The following POLL variants were observed in gnomAD, a reference collection of about 807,000 sequenced individuals.
POLL encodes the protein DNA polymerase lambda.
In POLL, 44 loss-of-function variants were observed where a neutral mutation model predicts 58.1. The observed-to-expected ratio is 0.76, with a 90% CI of 0.60 to 0.97. The LOEUF is 0.97. POLL is among the 50% of genes least tolerant of loss of function. The pLI is 0.00. For synonymous variants in POLL, 290 were observed against 283.2 expected (o/e 1.02, Z -0.24); for missense variants, 632 against 736.8 (o/e 0.86, Z 1.65).
Position 101,580,089 on chromosome 10 carries a change from G to C in POLL, c.1363+159C>G. The C allele has an allele frequency of 1.4e-6, 1 of 728,144 alleles. No individual in the cohort carries two copies. The highest frequency in any genetic ancestry group is 2.2e-6 in the Non-Finnish European group (1 of 451,082). The allele number at this position is 728,144 out of a possible 1,614,324, so 45.1% of individuals were successfully genotyped here. ...GGCGGGGCTGTTCCATCTCTCCCTG[G>C]AGAGGATTCCGGCCCCGATAGAGAG... On this transcript the variant is annotated intron_variant, in intron 8 of 8. Transcript: ENST00000370162. This position sits in a 1 kb window ranked among gnomAD's most constrained non-coding sequence, Gnocchi z 4.1.
At chr10:101,584,350 T>C in intron 5 of POLL, among the ~76,000 whole-genome samples, 1 of 151,980 alleles carries the variant, frequency 6.6e-6, no homozygotes, top group East Asian at 1.9e-4. Context: ...ATAAACAAAA[T>C]TAAAAATAAA....
At chr10:101,585,256 C>T (rs1564873432) in intron 4 of POLL, 60 bp downstream of exon 4, 2 of 1,429,022 alleles carry the variant, frequency 1.4e-6, no homozygotes, top group Non-Finnish European at 9.4e-7. Flanking sequence ...CCAGGCCCAC[C>T]CCATTTCTGT....
intron 7 of POLL, chr10:101,581,499 A>C (rs1222609134): frequency 6.6e-6 from 1 of 152,202 alleles, no homozygotes; most frequent in Non-Finnish European, 1.5e-5. Context: ...CCTGGAATGG[A>C]GCTGGGGGCT....
chr10:101,585,279 AG>A, intron 4 of POLL, 36 bp downstream of exon 4: 1 of 1,484,828 alleles, frequency 6.7e-7, no homozygotes, highest in Non-Finnish European at 9.0e-7. Flanking sequence ...TCTGCTTCCT[AG>A]GGGAAGGGAG....
At position 101,583,585 on chromosome 10, in the gene POLL, C is replaced by G. The variant is rs1311472464; in HGVS notation, c.988G>C (p.Glu330Gln). The G allele has an allele frequency of 1.2e-6, 2 of 1,614,148 alleles. No homozygotes were observed. The highest frequency in any genetic ancestry group is 8.5e-7 in the Non-Finnish European group (1 of 1,180,042). Reference protein sequence around the residue: ...GHLRKLDHISESVPVLELFSN... With the variant: ...GHLRKLDHISQSVPVLELFSN... ...AAGAGCTCCAAGACAGGCACGCTCT[C>G]ACTGATATGGTCCAGCTTCCGCAAA... The change falls in exon 6 of 9, where the codon GAG (glutamate) becomes CAG (glutamine). Residue 330 changes from glutamate to glutamine, a missense_variant. Transcript: ENST00000370162.
At chr10:101,587,602 G>A (rs1381201438) in intron 1 of POLL, 196 bp from the exon 2 acceptor site, 2 of 1,102,300 alleles carry the variant, frequency 1.8e-6, no homozygotes, top group Non-Finnish European at 2.4e-6. Flanking sequence ...GGAGTATTAC[G>A]GGAAATGAGG....
Position 101,585,424 on chromosome 10 carries a change from AG to A in POLL, c.464del (p.Pro155LeufsTer160), listed in dbSNP as rs763129201. On this transcript the variant is annotated frameshift_variant, in exon 4 of 9. Transcript: ENST00000370162. LOFTEE classifies it high-confidence loss of function. The stretch of plus-strand genomic sequence containing the variant: ...TCTGAAGCAGGGCCTCATGGGTGCC[AG>A]GAGGAATAGAAGCATCCTGCTCTGC... ...SKAEQDASIPPGTHEALLQTA... is the reference protein window; with the variant it reads ...SKAEQDASIPXGTHEALLQTA... 1 of 1,605,890 alleles carries A rather than the reference AG, an allele frequency of 6.2e-7. No homozygotes were observed. Among genetic ancestry groups the A allele is most frequent in the Non-Finnish European group, 8.5e-7 (1 of 1,176,164 alleles).
chr10:101,584,363 A>C (rs759291107), intron 5 of POLL, among the ~76,000 whole-genome samples: 1 of 152,138 alleles, frequency 6.6e-6, no homozygotes, highest in Non-Finnish European at 1.5e-5. Context: ...AAAATAAAAA[A>C]CTTTTAATTA....
chr10:101,582,691 G>T (rs2063066945), intron 7 of POLL, 72 bp downstream of exon 7: 2 of 1,514,244 alleles, frequency 1.3e-6, no homozygotes, highest in Non-Finnish European at 1.8e-6. Context: ...GAGGAGTTGG[G>T]GGTTCTTGGC....
chr10:101,585,612 G>T, intron 3 of POLL, 134 bp from the exon 4 acceptor site: 2 of 855,272 alleles, frequency 2.3e-6, no homozygotes, highest in Non-Finnish European at 1.7e-6. Context: ...GGTTTTTGGA[G>T]TTTCTCTTGA....
chr10:101,587,923 C>T lies in POLL; in HGVS notation c.-148G>A. 8.2e-7 allele frequency: 1 copy of T among 1,223,050 alleles called. No homozygotes were observed. The highest frequency in any genetic ancestry group is 1.0e-6 in the Non-Finnish European group (1 of 956,826). 75.8% of individuals were successfully genotyped at this position (1,223,050 alleles called of 1,614,324 possible). On this transcript the variant is annotated 5_prime_UTR_variant, in exon 1 of 9. Transcript: ENST00000370162. ...AGCCTCTCGACATGGGGGTGCTCAG[C>T]GCCGCAGCTGCGGGGAGATGGGGCA... is the stretch of plus-strand genomic sequence containing the variant.
At chr10:101,581,103 G>A (rs1589665039) in intron 7 of POLL, 1 of 152,268 alleles carries the variant, frequency 6.6e-6, no homozygotes, top group Non-Finnish European at 1.5e-5. Flanking sequence ...CTCCACCCCT[G>A]AGACACTGAG....
At chr10:101,585,680 G>A (rs2063287046) in intron 3 of POLL, among the ~76,000 whole-genome samples, 182 bp downstream of exon 3, 1 of 152,076 alleles carries the variant, frequency 6.6e-6, no homozygotes. Flanking sequence ...AAGGCTCACT[G>A]CAGCCTTAAC....
Position 101,584,931 on chromosome 10 carries a change from G to A in POLL, c.574-12C>T. 1 of 1,373,408 alleles carries A rather than the reference G, an allele frequency of 7.3e-7. No individual in the cohort carries two copies. Among genetic ancestry groups the A allele is most frequent in the East Asian group, 2.6e-5 (1 of 38,132 alleles). The allele number at this position is 1,373,408 out of a possible 1,614,324, so 85.1% of individuals were successfully genotyped here. On this transcript the variant is annotated splice_polypyrimidine_tract_variant and intron_variant, in intron 4 of 8. Transcript: ENST00000370162. ...TCATCAGAGATGGGCTTGGGATAGA[G>A]AAGAAAAGAAAACAATAAATTCTTG...
At position 101,580,445 on chromosome 10, in the gene POLL, G is replaced by C; in HGVS notation, c.1195-29C>G. 6 of 1,605,816 alleles carry C rather than the reference G, an allele frequency of 3.7e-6. No individual in the cohort carries two copies. Among genetic ancestry groups the C allele is most frequent in the Non-Finnish European group, 5.1e-6 (6 of 1,174,848 alleles). On this transcript the variant is annotated intron_variant, in intron 7 of 8. Coordinates refer to ENST00000370162, the MANE Select transcript of POLL (RefSeq NM_001174084.2). The surrounding 1 kb of genome is among the most constrained non-coding windows in gnomAD (Gnocchi z 4.1). Reference sequence around the variant, plus strand: ...GGAAAGAGAGCGGTGACAGGTGAGGGGCTGTGCGTGGGGAGCTCCTCTCCC... The same window carrying C: ...GGAAAGAGAGCGGTGACAGGTGAGGCGCTGTGCGTGGGGAGCTCCTCTCCC...
At position 101,580,279 on chromosome 10, in the gene POLL, G is replaced by A. The variant is rs755074521; in HGVS notation, c.1332C>T (p.Phe444=). The change falls in exon 8 of 9, where the codon TTC becomes TTT. Residue 444 remains phenylalanine, a synonymous_variant. Transcript: ENST00000370162. This position sits in a 1 kb window ranked among gnomAD's most constrained non-coding sequence, Gnocchi z 4.1. ...HPDGRSHRGI[F]SRLLDSLRQE... is the part of the protein sequence containing the mutation. Reference sequence around the variant, plus strand: ...GCCGAAGACTGTCAAGGAGGCGGCTGAAGATACCCCGGTGGGACCGGCCAT... The same window carrying A: ...GCCGAAGACTGTCAAGGAGGCGGCTAAAGATACCCCGGTGGGACCGGCCAT... 1.2e-6 allele frequency: 2 copies of A among 1,613,988 alleles called. No individual in the cohort carries two copies. Among genetic ancestry groups the A allele is most frequent in the Non-Finnish European group, 1.7e-6 (2 of 1,180,002 alleles).
At chr10:101,585,538 G>A in intron 3 of POLL, 60 bp from the exon 4 acceptor site, 1 of 1,382,882 alleles carries the variant, frequency 7.2e-7, no homozygotes, top group Non-Finnish European at 9.7e-7. Context: ...TCTGTCCCCA[G>A]TCCTTCTGTA....
At chr10:101,585,575 G>C in intron 3 of POLL, 97 bp from the exon 4 acceptor site, 1 of 1,156,792 alleles carries the variant, frequency 8.6e-7, no homozygotes, top group Non-Finnish European at 1.2e-6. Context: ...TTCCCAGTGT[G>C]TCCAATTAAG....
rs370590358 is a variant in POLL at position 101,582,859 on chromosome 10, C to G, written c.1098G>C (p.Gln366His). The G allele has an allele frequency of 1.9e-6, 3 of 1,614,102 alleles. No individual in the cohort carries two copies. The highest frequency in any genetic ancestry group is 2.7e-5 in the African/African-American group (2 of 74,944). ...TGGCCTGCTGGGTTGTCAGGGAGGC[C>G]TGGCTGCGGATGTCTTCCAGACTTC... Reference protein sequence around the residue: ...GFRSLEDIRSQASLTTQQAIG... With the variant: ...GFRSLEDIRSHASLTTQQAIG... The change falls in exon 7 of 9, where the codon CAG becomes CAC. Residue 366 changes from glutamine (Q) to histidine (H), a missense_variant. Gln to His is a conservative substitution (Grantham distance 24). Coordinates refer to ENST00000370162, the MANE Select transcript of POLL (RefSeq NM_001174084.2).
Sources: gnomAD v4.1 joint callset for allele counts (sites outside exome capture counted in the v4.1 genomes callset) on GRCh38, gnomAD v4.1.1 for gene constraint, Gnocchi (gnomAD v3.1) non-coding constraint, MANE v1.5 for transcripts, NCBI Gene and HGNC (gene_info 2026-07-23, HGNC 2026-07-21) for gene names.